The following AGTPBP1 variants were observed in gnomAD, a reference collection of about 807,000 sequenced individuals.
The protein encoded by AGTPBP1 is ATP/GTP binding carboxypeptidase 1.
A neutral mutation model predicts 143.9 loss-of-function variants in AGTPBP1; 70 were observed. The ratio of observed to expected loss-of-function variants is 0.49; its 90% CI spans 0.40 to 0.59. The LOEUF is 0.59. Among genes scored for constraint, AGTPBP1 ranks in the 20% least tolerant of loss-of-function variants. The probability of loss-of-function intolerance (pLI) is 0.00; values close to 1 mark genes in which losing one functional copy is unlikely to be tolerated. For synonymous variants in AGTPBP1, 463 were observed against 500.2 expected (o/e 0.93, Z 0.99); for missense variants, 1,229 against 1,464.5 (o/e 0.84, Z 2.62).
rs185711387 is a variant in AGTPBP1, at chr9:85,684,951, C to T, written c.158-3616G>A. The stretch of plus-strand genomic sequence containing the variant: ...AGCAGAGAAATAGAAACTACAAAAG[C>T]AAAAGAACCAAGTGCACACTTGAGA... On this transcript the variant is annotated intron_variant, in intron 3 of 25. Transcript: ENST00000357081. Among the ~76,000 whole-genome samples, 178 of 150,756 alleles carry T rather than the reference C, an allele frequency of 1.2e-3. 1 individual carries two copies. The highest frequency in any genetic ancestry group is 4.2e-3 in the African/African-American group (174 of 41,146).
In AGTPBP1 at chr9:85,614,655, G is replaced by A. The variant is rs142248108; in HGVS notation, c.2335+4328C>T. 8.4e-3 allele frequency among the ~76,000 whole-genome samples: 1,277 copies of A among 151,990 alleles called. 6 individuals are homozygous for A. Among genetic ancestry groups the A allele is most frequent in the Middle Eastern group, 0.017 (5 of 292 alleles). ...AAATAGGTAGAAAAGTCTGTATATC[G>A]TATTTGAAAATAACTACAGGATGTT... is the stretch of plus-strand genomic sequence containing the variant. On this transcript the variant is annotated intron_variant, in intron 17 of 25. Transcript: ENST00000357081.
At chr9:85,779,224 G>GAT in the AGTPBP1 span, among the ~76,000 whole-genome samples, 2 of 93,512 alleles carry the variant, frequency 2.1e-5, no homozygotes, top group South Asian at 5.2e-4. Context: ...TATAGATATA[G>GAT]ATATAGATAT....
Position 85,609,290 on chromosome 9 carries a change from C to CTTT in AGTPBP1, c.2335+9690_2335+9692dup, listed in dbSNP as rs71370873. 1.3e-4 allele frequency among the ~76,000 whole-genome samples: 18 copies of CTTT among 134,274 alleles called. 1 individual carries two copies. In the South Asian group the frequency reaches 1.7e-3, roughly 13 times the overall value. 88.1% of individuals were successfully genotyped at this position (134,274 alleles called of 152,430 possible). A position where few individuals can be genotyped will look rare whatever the true frequency, so the allele number is the denominator to read the frequency against. ...CAATGTGTATACCAAGTGTACAGAT[C>CTTT]TTTTTTTTTTTTTTTTTGAGATGGA... On this transcript the variant is annotated intron_variant, in intron 17 of 25. Transcript: ENST00000357081.
At chr9:85,722,094 C>G (rs996807102) in intron 1 of AGTPBP1, among the ~76,000 whole-genome samples, 5 of 152,126 alleles carry the variant, frequency 3.3e-5, no homozygotes, top group Non-Finnish European at 7.3e-5. Context: ...TCTCTGGCTG[C>G]CCTTAATATT....
At chr9:85,755,842 A>G in the AGTPBP1 span, among the ~76,000 whole-genome samples, 1 of 152,172 alleles carries the variant, frequency 6.6e-6, no homozygotes, top group Non-Finnish European at 1.5e-5. Context: ...AAAATCCTAG[A>G]CTGTTTAACA....
In AGTPBP1 at chr9:85,578,927, T is replaced by C. The variant is rs960574290; in HGVS notation, c.3335A>G (p.Lys1112Arg). Reference protein sequence around the residue: ...ESTLCGCDQGKYKGLQIGTRE... With the variant: ...ESTLCGCDQGRYKGLQIGTRE... ...AAACCTAAGATGTTTTACCTTGTAT[T>C]TTCCCTGATCACAGCCACATAAAGT... Residue 1112 changes from lysine (K) to arginine (R), a missense_variant, in exon 24 of 26, where the codon AAA becomes AGA. Around this residue, in one of 2 missense-constraint regions of AGTPBP1, gnomAD observed 486 missense variants for 652.3 expected, o/e 0.75. Coordinates refer to ENST00000357081, the MANE Select transcript of AGTPBP1 (RefSeq NM_001330701.2). The C allele has an allele frequency of 6.2e-7, 1 of 1,612,858 alleles. No homozygotes were observed. The highest frequency in any genetic ancestry group is 8.5e-7 in the Non-Finnish European group (1 of 1,179,558).
the AGTPBP1 span, among the ~76,000 whole-genome samples, chr9:85,775,764 T>C: frequency 6.6e-6 from 1 of 151,978 alleles, no homozygotes; most frequent in South Asian, 2.1e-4. Flanking sequence ...GAGAAAGATG[T>C]AGGCTGGGAG....
intron 18 of AGTPBP1, among the ~76,000 whole-genome samples, chr9:85,596,058 A>C (rs1829283494): frequency 6.6e-6 from 1 of 152,228 alleles, no homozygotes; most frequent in Non-Finnish European, 1.5e-5. Flanking sequence ...TTCTATTTTC[A>C]GTTTTATTCA....
At chr9:85,585,421 T>C in intron 23 of AGTPBP1, 42 bp downstream of exon 23, 2 of 1,505,642 alleles carry the variant, frequency 1.3e-6, no homozygotes, top group Non-Finnish European at 1.8e-6. Flanking sequence ...CTTTTATGCA[T>C]GTTTGAAATT....
intron 13 of AGTPBP1, among the ~76,000 whole-genome samples, chr9:85,636,734 CAA>C (rs1342536997): frequency 6.6e-6 from 1 of 151,880 alleles, no homozygotes; most frequent in African/African-American, 2.4e-5. Flanking sequence ...ATTAGAATTG[CAA>C]AAGAGGGAGG....
intron 25 of AGTPBP1, among the ~76,000 whole-genome samples, chr9:85,569,149 C>A (rs940536950): frequency 2.0e-5 from 3 of 152,100 alleles, no homozygotes; most frequent in African/African-American, 7.2e-5. Flanking sequence ...AACAAATAAA[C>A]CCAAGTGACC....
At chr9:85,763,389 T>C in the AGTPBP1 span, among the ~76,000 whole-genome samples, 11 of 152,030 alleles carry the variant, frequency 7.2e-5, no homozygotes. Context: ...AGGCAAAATG[T>C]TTCCAGAAAA....
At chr9:85,717,576 AT>A (rs1271274773) in intron 1 of AGTPBP1, among the ~76,000 whole-genome samples, 7 of 151,996 alleles carry the variant, frequency 4.6e-5, no homozygotes, top group African/African-American at 1.4e-4. Flanking sequence ...CAAAATCCTT[AT>A]GTTGAAAAGC....
intron 24 of AGTPBP1, 117 bp downstream of exon 24, chr9:85,578,803 A>G: frequency 9.8e-7 from 1 of 1,023,982 alleles, no homozygotes; most frequent in Admixed American, 2.6e-5. Flanking sequence ...ATTATTACAT[A>G]TTACATGTAA....
At chr9:85,683,540 A>G (rs924374589) in intron 3 of AGTPBP1, among the ~76,000 whole-genome samples, 5 of 152,216 alleles carry the variant, frequency 3.3e-5, no homozygotes, top group African/African-American at 1.2e-4. Flanking sequence ...ACCTCACACT[A>G]AATGAAAATT....
chr9:85,724,008 C>A (rs981338805), intron 1 of AGTPBP1, among the ~76,000 whole-genome samples: 1 of 152,064 alleles, frequency 6.6e-6, no homozygotes, highest in Non-Finnish European at 1.5e-5. Context: ...AACATCTGGC[C>A]GGGTACGGTG....
chr9:85,751,866 C>T, the AGTPBP1 span, among the ~76,000 whole-genome samples: 1 of 151,598 alleles, frequency 6.6e-6, no homozygotes, highest in Non-Finnish European at 1.5e-5. Context: ...CTCGGCCTCC[C>T]AAAGTGCTGG....
At chr9:85,752,530 A>G in the AGTPBP1 span, among the ~76,000 whole-genome samples, 1 of 152,234 alleles carries the variant, frequency 6.6e-6, no homozygotes, top group Non-Finnish European at 1.5e-5. Context: ...CTCACGAAGA[A>G]TGAAAAAAAC....
In AGTPBP1 at chr9:85,692,744, T is replaced by C. The variant is rs1835962628; in HGVS notation, c.102A>G (p.Glu34=). The change falls in exon 3 of 26, where the codon GAA becomes GAG. Residue 34 remains glutamate, a synonymous_variant. Transcript: ENST00000357081. ...QLEKINAEPS[E]SDTARYVTSK... ...ATGTAACATATCGGGCAGTGTCTGA[T>C]TCTGAAGGCTCAGCATTGATCTTCT... 1 of 1,614,124 alleles carries C rather than the reference T, an allele frequency of 6.2e-7. No individual in the cohort carries two copies. Among genetic ancestry groups the C allele is most frequent in the South Asian group, 1.1e-5 (1 of 91,080 alleles).
Sources: gnomAD v4.1 joint callset for allele counts (sites outside exome capture counted in the v4.1 genomes callset) on GRCh38, gnomAD v4.1.1 for gene constraint, gnomAD v4.1.1 regional missense constraint, MANE v1.5 for transcripts, NCBI Gene and HGNC (gene_info 2026-07-23, HGNC 2026-07-21) for gene names.